Variants in ZNF99 observed in about 807,000 individuals in gnomAD.
ZNF99 encodes zinc finger protein 99, also known as zinc finger protein ENSP00000375192.
In ZNF99, 8 loss-of-function variants were observed where a neutral mutation model predicts 12.8. The ratio of observed to expected loss-of-function variants is 0.62; its 90% CI spans 0.37 to 1.13. The LOEUF (loss-of-function observed/expected upper bound fraction) is 1.13, where lower values mean the gene tolerates loss of function less well. Among genes scored for constraint, ZNF99 ranks in the 50% most tolerant of loss-of-function variants. ZNF99 has a pLI of 0.02. For synonymous variants in ZNF99, 318 were observed against 319.0 expected, an observed-to-expected ratio of 1.00 and a Z score of 0.03; for missense variants, 1,007 against 1,006.2, an observed-to-expected ratio of 1.00 and a Z score of -0.01.
chr19:22,761,320 C>T (rs1973148992), intron 3 of ZNF99, among the ~76,000 whole-genome samples: 1 of 151,956 alleles, frequency 6.6e-6, no homozygotes, highest in Non-Finnish European at 1.5e-5. Flanking sequence ...TCATGCTAAA[C>T]AAGAGGTTCA....
chr19:22,774,098 C>T (rs6511383), intron 1 of ZNF99: 29,929 of 153,462 alleles, frequency 0.2, 3,942 homozygotes, highest in African/African-American at 0.38. Context: ...ACCCAAAGCA[C>T]TGGACAGAAA....
At chr19:22,761,133 G>A (rs959359202) in intron 3 of ZNF99, among the ~76,000 whole-genome samples, 2 of 151,742 alleles carry the variant, frequency 1.3e-5, no homozygotes, top group African/African-American at 4.8e-5. Context: ...ATAAAACAAT[G>A]AAGATTAATA....
intron 3 of ZNF99, among the ~76,000 whole-genome samples, chr19:22,760,220 G>A (rs1973134984): frequency 6.6e-6 from 1 of 152,104 alleles, no homozygotes; most frequent in Admixed American, 6.6e-5. Context: ...TTGAACTTGG[G>A]ATGTAGAAAT....
Position 22,758,557 on chromosome 19 carries a change from T to C in ZNF99, c.1352A>G (p.Gln451Arg). The C allele has an allele frequency of 3.7e-6, 6 of 1,613,346 alleles. No homozygotes were observed. Among genetic ancestry groups the C allele is most frequent in the Non-Finnish European group, 5.1e-6 (6 of 1,179,636 alleles). The change falls in exon 4 of 4, where the codon CAA (glutamine) becomes CGA (arginine). Residue 451 changes from glutamine (Q) to arginine (R), a missense_variant. Physicochemically the swap from Gln to Arg is conservative, Grantham distance 43. Coordinates refer to ENST00000596209, the MANE Select transcript of ZNF99 (RefSeq NM_001080409.3). The part of the protein sequence containing the change: ...RKHKIIHTGK[Q>R]PYKCEECSKA... The stretch of plus-strand genomic sequence containing the variant: ...GCTGCATTCTTCACATTTGTAGGGT[T>C]GCTTTCCAGTATGAATTATCTTATG...
rs1208263853 is a variant in ZNF99, at chr19:22,754,384, T to G, written c.*2930A>C. 2 of 410,910 alleles carry G rather than the reference T, an allele frequency of 4.9e-6. No individual in the cohort carries two copies. The highest frequency in any genetic ancestry group is 2.1e-5 in the African/African-American group (1 of 47,336). 25.5% of individuals were successfully genotyped at this position (410,910 alleles called of 1,614,324 possible). ...TCCATTTCAAAAAAAAAAAAAAAAC[T>G]TTGCCACATTCTTCACATTTGTAGA... On this transcript the variant is annotated 3_prime_UTR_variant, in exon 4 of 4. Transcript: ENST00000596209.
At chr19:22,760,972 G>C (rs1463340282) in intron 3 of ZNF99, among the ~76,000 whole-genome samples, 2 of 151,062 alleles carry the variant, frequency 1.3e-5, no homozygotes, top group African/African-American at 4.9e-5. Context: ...CAAGACAATT[G>C]GTTTCAGATT....
Position 22,754,342 on chromosome 19 carries a change from G to A in ZNF99, c.*2972C>T, listed in dbSNP as rs947416366. The A allele has an allele frequency of 1.4e-5, 6 of 429,404 alleles. No individual in the cohort carries two copies. The highest frequency in any genetic ancestry group is 2.8e-5 in the Non-Finnish European group (6 of 217,764). The allele number at this position is 429,404 out of a possible 1,614,324, so 26.6% of individuals were successfully genotyped here. On this transcript the variant is annotated 3_prime_UTR_variant, in exon 4 of 4. Transcript: ENST00000596209. ...AGATTGCACCATTGCACTCCAATTT[G>A]GGCGACAGAGTGAGACTCCATTTCA...
rs1206372463 is a variant in ZNF99, at chr19:22,767,564, A to G, written c.226+741T>C. Among the ~76,000 whole-genome samples, 8 of 152,326 alleles carry G rather than the reference A, an allele frequency of 5.3e-5. No individual in the cohort carries two copies. The East Asian group carries it at 1.5e-3, about 29-fold the overall frequency. On this transcript the variant is annotated intron_variant, in intron 3 of 3. Coordinates refer to ENST00000596209, the MANE Select transcript of ZNF99 (RefSeq NM_001080409.3). ...AAATGGGTCAATTTACCAGGAATCT[A>G]TAACTATTATATTTATATGTACAGG...
In ZNF99 at chr19:22,769,242, TATAA is replaced by T; in HGVS notation, c.82_85del (p.Leu28IlefsTer6). 6.2e-7 allele frequency: 1 copy of T among 1,609,882 alleles called. No individual in the cohort carries two copies. On this transcript the variant is annotated frameshift_variant, in exon 2 of 4. Coordinates refer to ENST00000596209, the MANE Select transcript of ZNF99 (RefSeq NM_001080409.3). LOFTEE classifies it high-confidence loss of function. The stretch of plus-strand genomic sequence containing the variant: ...GTAGTTCTCTAACATAACATTCCTA[TATAA>T]ATTCTGCTGAGCCATGTCCAGGCAT...
intron 1 of ZNF99, 65 bp from the exon 2 acceptor site, chr19:22,769,389 A>C (rs1263142644): frequency 1.3e-6 from 2 of 1,533,530 alleles, no homozygotes; most frequent in Non-Finnish European, 1.8e-6. Context: ...TTTTAATTTG[A>C]CTCAAGGTGA....
At chr19:22,762,536 G>A (rs1973161181) in intron 3 of ZNF99, among the ~76,000 whole-genome samples, 1 of 152,078 alleles carries the variant, frequency 6.6e-6, no homozygotes, top group African/African-American at 2.4e-5. Flanking sequence ...CAGACAGTAT[G>A]CAGCAGAATT....
At chr19:22,777,804 T>C (rs1973346138) in intron 1 of ZNF99, among the ~76,000 whole-genome samples, 1 of 152,060 alleles carries the variant, frequency 6.6e-6, no homozygotes. Context: ...TCAAAAATGC[T>C]GTAGTGAAAT....
At chr19:22,762,803 AT>A (rs1191991294) in intron 3 of ZNF99, among the ~76,000 whole-genome samples, 1 of 152,212 alleles carries the variant, frequency 6.6e-6, no homozygotes, top group African/African-American at 2.4e-5. Flanking sequence ...AGTGGGTTTC[AT>A]ACCAGTGATG....
At chr19:22,763,613 G>GA (rs1182293849) in intron 3 of ZNF99, among the ~76,000 whole-genome samples, 1 of 151,968 alleles carries the variant, frequency 6.6e-6, no homozygotes, top group South Asian at 2.1e-4. Flanking sequence ...ATTCTTCACA[G>GA]AATTAGAAAA....
intron 3 of ZNF99, among the ~76,000 whole-genome samples, chr19:22,761,052 T>C (rs1420489485): frequency 6.6e-6 from 1 of 151,866 alleles, no homozygotes; most frequent in Non-Finnish European, 1.5e-5. Context: ...TAATTAATTA[T>C]TATAATGTAT....
At chr19:22,764,773 C>T (rs551687058) in intron 3 of ZNF99, among the ~76,000 whole-genome samples, 1 of 152,114 alleles carries the variant, frequency 6.6e-6, no homozygotes, top group East Asian at 1.9e-4. Flanking sequence ...AAATCAAAAC[C>T]ACCAAAGGAT....
At chr19:22,779,666 A>C (rs961852936) in intron 1 of ZNF99, among the ~76,000 whole-genome samples, 21 of 152,174 alleles carry the variant, frequency 1.4e-4, no homozygotes, top group Admixed American at 9.2e-4. Context: ...GTCAACATAC[A>C]ACCTTATTTT....
chr19:22,754,841 G>A lies in ZNF99; in HGVS notation c.*2473C>T, dbSNP rs564263157. 3.0e-4 allele frequency: 56 copies of A among 186,998 alleles called. No individual in the cohort carries two copies. Among genetic ancestry groups the A allele is most frequent in the East Asian group, 8.0e-4 (5 of 6,258 alleles). 11.6% of individuals were successfully genotyped at this position (186,998 alleles called of 1,614,324 possible). On this transcript the variant is annotated 3_prime_UTR_variant, in exon 4 of 4. Transcript: ENST00000596209. ...TCCCAGCACTTTGGGAGGCCGAGGCGGGCAGATCACCAGAGGTCGGGAGTT... is the reference window on the plus strand; with the variant it reads ...TCCCAGCACTTTGGGAGGCCGAGGCAGGCAGATCACCAGAGGTCGGGAGTT...
chr19:22,755,817 TTCAG>T lies in ZNF99; in HGVS notation c.*1493_*1496del, dbSNP rs1973043141. 3.1e-6 allele frequency: 1 copy of T among 326,226 alleles called. No individual in the cohort carries two copies. Among genetic ancestry groups the T allele is most frequent in the African/African-American group, 2.2e-5 (1 of 46,134 alleles). The allele number at this position is 326,226 out of a possible 1,614,324, so 20.2% of individuals were successfully genotyped here. On this transcript the variant is annotated 3_prime_UTR_variant, in exon 4 of 4. Transcript: ENST00000596209. ...TATCTTCAGTATGAATTATCTTACA[TTCAG>T]TAAGATTTGAGGACCAGTTAAAAGC...
Sources: allele counts gnomAD v4.1 joint callset (sites outside exome capture counted in the v4.1 genomes callset), GRCh38; gene constraint gnomAD v4.1.1; transcripts MANE v1.5; gene names NCBI Gene and HGNC (gene_info 2026-07-23, HGNC 2026-07-21).